SF3B3: variants seen among roughly 807,000 people sequenced by gnomAD.
SF3B3 encodes the protein SAP 130.
In SF3B3, 33 loss-of-function variants were observed where a neutral mutation model predicts 139.2. The observed-to-expected ratio is 0.24, with a 90% CI of 0.18 to 0.32. SF3B3 has a LOEUF of 0.32. Ranked by LOEUF, SF3B3 falls within the 10% of genes least tolerant of loss-of-function variation. The pLI, the probability that SF3B3 is intolerant of heterozygous loss-of-function variation, is 1.00. For synonymous variants in SF3B3, 596 were observed against 563.6 expected (o/e 1.06, Z -0.81); for missense variants, 818 against 1,509.4 (o/e 0.54, Z 7.59).
chr16:70,528,171 T>C (rs1015779156), intron 2 of SF3B3, among the ~76,000 whole-genome samples: 5 of 148,016 alleles, frequency 3.4e-5, no homozygotes, highest in African/African-American at 1.2e-4. Flanking sequence ...TCTTTTTTTT[T>C]TTTTTTTTTT....
intron 2 of SF3B3, chr16:70,526,951 C>G (rs1597703069): frequency 1.7e-6 from 1 of 581,876 alleles, no homozygotes; most frequent in African/African-American, 1.9e-5. Context: ...TCAGGGCACA[C>G]TTTTCTTGGC....
chr16:70,534,867 C>G (rs1008427193), intron 5 of SF3B3, among the ~76,000 whole-genome samples: 2 of 152,120 alleles, frequency 1.3e-5, no homozygotes, highest in African/African-American at 4.8e-5. Flanking sequence ...CGGGATTTCA[C>G]CGTGTTGGCC....
chr16:70,570,068 G>C lies in SF3B3; in HGVS notation c.3327G>C (p.Leu1109=). The change falls in exon 24 of 26, where the codon CTG becomes CTC. Residue 1109 remains leucine (L), a synonymous_variant. Transcript: ENST00000302516. ...ETVLSLQKTT[L]IPGGSESLVY... is the part of the protein sequence containing the mutation. ...TGCTGTCCTTGCAGAAGACCACGCTGATCCCTGGAGGCTCAGAATCACTTG... is the reference window on the plus strand; with the variant it reads ...TGCTGTCCTTGCAGAAGACCACGCTCATCCCTGGAGGCTCAGAATCACTTG... The C allele has an allele frequency of 6.2e-7, 1 of 1,614,086 alleles. No homozygotes were observed. The highest frequency in any genetic ancestry group is 1.3e-5 in the African/African-American group (1 of 75,008).
At chr16:70,538,495 C>T (rs1312374487) in intron 7 of SF3B3, 35 bp downstream of exon 7, 1 of 1,560,406 alleles carries the variant, frequency 6.4e-7, no homozygotes, top group Non-Finnish European at 8.8e-7. Context: ...TATAGCTACT[C>T]TATGAGATGA....
rs1306215673 is a variant in SF3B3, at chr16:70,576,792, C to CT, written c.*4980dup. Reference sequence around the variant, plus strand: ...TCAGATGACCTGGGCTCACTAGCCTCTAAGCATAGTCTTGGTTTCCTGCCT... The same window carrying CT: ...TCAGATGACCTGGGCTCACTAGCCTCTTAAGCATAGTCTTGGTTTCCTGCCT... On this transcript the variant is annotated 3_prime_UTR_variant, in exon 26 of 26. Coordinates refer to ENST00000302516, the MANE Select transcript of SF3B3 (RefSeq NM_012426.5). The CT allele has an allele frequency of 2.0e-5, 3 of 152,200 alleles. No homozygotes were observed. Among genetic ancestry groups the CT allele is most frequent in the Admixed American group, 2.0e-4 (3 of 15,272 alleles). 9.4% of individuals were successfully genotyped at this position (152,200 alleles called of 1,614,324 possible). A position where few individuals can be genotyped will look rare whatever the true frequency, so the allele number is the denominator to read the frequency against.
intron 18 of SF3B3, 42 bp downstream of exon 18, chr16:70,564,092 GA>G: frequency 6.3e-7 from 1 of 1,591,962 alleles, no homozygotes; most frequent in Admixed American, 1.7e-5. Flanking sequence ...AAAGATGTGT[GA>G]AATTATGTTG....
chr16:70,536,807 C>CTTTTTTT (rs34747226), intron 6 of SF3B3, among the ~76,000 whole-genome samples: 3 of 122,668 alleles, frequency 2.4e-5, no homozygotes, highest in Non-Finnish European at 3.4e-5. Flanking sequence ...AATTTTCTTT[C>CTTTTTTT]TTTTTTTTTT....
At chr16:70,538,211 T>G (rs933104814) in intron 6 of SF3B3, 112 bp from the exon 7 acceptor site, 4 of 943,638 alleles carry the variant, frequency 4.2e-6, no homozygotes, top group Non-Finnish European at 6.8e-6. Context: ...GGATCAAAGC[T>G]TGTGCCTTTA....
At chr16:70,549,184 A>T (rs988745415) in intron 11 of SF3B3, among the ~76,000 whole-genome samples, 1 of 152,212 alleles carries the variant, frequency 6.6e-6, no homozygotes, top group African/African-American at 2.4e-5. Flanking sequence ...GGTGAGTAAC[A>T]TCATCCTTGC....
chr16:70,548,970 A>G (rs2050295370), intron 11 of SF3B3, among the ~76,000 whole-genome samples: 1 of 152,164 alleles, frequency 6.6e-6, no homozygotes, highest in Non-Finnish European at 1.5e-5. Context: ...GGGGAAGGAG[A>G]AGGGAGTTTG....
chr16:70,531,536 G>A (rs1258138853), intron 4 of SF3B3, among the ~76,000 whole-genome samples: 2 of 152,194 alleles, frequency 1.3e-5, no homozygotes, highest in South Asian at 2.1e-4. Context: ...CTTCCAGAGT[G>A]CTGGGATTAT....
At chr16:70,536,334 A>C (rs1269054263) in intron 6 of SF3B3, among the ~76,000 whole-genome samples, 2 of 151,582 alleles carry the variant, frequency 1.3e-5, no homozygotes, top group Admixed American at 1.3e-4. Flanking sequence ...CACCTGGCTA[A>C]ATTTTTTTTG....
Position 70,548,417 on chromosome 16 carries a change from C to T in SF3B3, c.1377C>T (p.Val459=). ...VSELPGNPNA[V]WTVRRHIEDE... ...AGCTACCTGGTAACCCCAACGCTGTCTGGACAGTGCGTCGACACATTGAAG... is the reference window on the plus strand; with the variant it reads ...AGCTACCTGGTAACCCCAACGCTGTTTGGACAGTGCGTCGACACATTGAAG... Residue 459 remains valine (V), a synonymous_variant, in exon 11 of 26, where the codon GTC becomes GTT. Coordinates refer to ENST00000302516, the MANE Select transcript of SF3B3 (RefSeq NM_012426.5). 6.2e-7 allele frequency: 1 copy of T among 1,614,000 alleles called. No homozygotes were observed. Among genetic ancestry groups the T allele is most frequent in the South Asian group, 1.1e-5 (1 of 91,086 alleles).
In SF3B3 at chr16:70,568,268, C is replaced by T. The variant is rs541743546; in HGVS notation, c.2953-15C>T. ...AGATTACACCCACCATCACTATTGT[C>T]TTTGTTTTTCCCAGCATATTGCCAA... On this transcript the variant is annotated splice_polypyrimidine_tract_variant and intron_variant, in intron 21 of 25. Coordinates refer to ENST00000302516, the MANE Select transcript of SF3B3 (RefSeq NM_012426.5). The T allele has an allele frequency of 1.2e-4, 186 of 1,590,240 alleles. 3 individuals carry two copies. The South Asian group carries it at 1.9e-3, about 17-fold the overall frequency.
In SF3B3 at chr16:70,568,414, C is replaced by T. The variant is rs888453763; in HGVS notation, c.3084C>T (p.Thr1028=). 9 of 1,613,964 alleles carry T rather than the reference C, an allele frequency of 5.6e-6. No homozygotes were observed. Among genetic ancestry groups the T allele is most frequent in the Admixed American group, 1.7e-5 (1 of 60,002 alleles). The change falls in exon 22 of 26, where the codon ACC becomes ACT. Residue 1028 remains threonine (T), a synonymous_variant. Transcript: ENST00000302516. The part of the protein sequence containing the change: ...ENQLIIFADD[T]YPRWVTTASL... ...AGCTTATCATCTTTGCTGATGATAC[C>T]TACCCCCGATGGGTCACTACAGCCA...
chr16:70,543,946 T>C (rs531488614), intron 9 of SF3B3, among the ~76,000 whole-genome samples: 47 of 152,168 alleles, frequency 3.1e-4, no homozygotes, highest in Non-Finnish European at 5.7e-4. Context: ...CTCAGCCTCC[T>C]GGGCTGAAGC....
chr16:70,534,888 C>T (rs764082256), intron 5 of SF3B3, among the ~76,000 whole-genome samples: 14 of 152,056 alleles, frequency 9.2e-5, no homozygotes, highest in Non-Finnish European at 1.6e-4. Flanking sequence ...AGGCTGGTCT[C>T]GAACTCCTGA....
At chr16:70,560,767 C>T (rs115359194) in intron 16 of SF3B3, among the ~76,000 whole-genome samples, 176 bp downstream of exon 16, 1,661 of 152,264 alleles carry the variant, frequency 0.011, 29 homozygotes, top group African/African-American at 0.038. Context: ...GGGGCTCCAT[C>T]GCACCATGTC....
At chr16:70,531,547 A>G (rs1218023242) in intron 4 of SF3B3, among the ~76,000 whole-genome samples, 3 of 152,182 alleles carry the variant, frequency 2.0e-5, no homozygotes, top group Non-Finnish European at 2.9e-5. Context: ...CTGGGATTAT[A>G]AGGCCTGAGC....
Sources: gnomAD v4.1 joint callset for allele counts (sites outside exome capture counted in the v4.1 genomes callset) on GRCh38, gnomAD v4.1.1 for gene constraint, MANE v1.5 for transcripts, NCBI Gene and HGNC (gene_info 2026-07-23, HGNC 2026-07-21) for gene names.